The following ZSCAN5A variants were observed in gnomAD, a reference collection of about 807,000 sequenced individuals.
ZSCAN5A encodes zinc finger and SCAN domain containing 5A.
A neutral mutation model predicts 23.7 loss-of-function variants in ZSCAN5A; 12 were observed. The ratio of observed to expected loss-of-function variants is 0.51; its 90% CI spans 0.32 to 0.82. ZSCAN5A has a LOEUF of 0.82. ZSCAN5A is among the 40% of genes least tolerant of loss of function. The probability of loss-of-function intolerance (pLI) is 0.03; values close to 1 mark genes in which losing one functional copy is unlikely to be tolerated. For missense variants in ZSCAN5A, 597 were observed against 617.9 expected, an observed-to-expected ratio of 0.97 and a Z score of 0.36; for synonymous variants, 257 against 239.9, an observed-to-expected ratio of 1.07 and a Z score of -0.66.
intron 2 of ZSCAN5A, among the ~76,000 whole-genome samples, chr19:56,291,011 G>A (rs2039473063): frequency 6.6e-6 from 1 of 152,170 alleles, no homozygotes; most frequent in Non-Finnish European, 1.5e-5. Context: ...GGGTTTCAGG[G>A]TGGGCTGCAA....
chr19:56,237,823 A>G (rs1010421871), intron 2 of ZSCAN5A, among the ~76,000 whole-genome samples: 5 of 152,064 alleles, frequency 3.3e-5, no homozygotes, highest in Non-Finnish European at 7.4e-5. Flanking sequence ...AGGAAGAGGC[A>G]GTAGGATCAT....
At chr19:56,318,200 G>A (rs917431847), upstream of ZSCAN5A, among the ~76,000 whole-genome samples, 9 of 151,666 alleles carry the variant, frequency 5.9e-5, no homozygotes, top group African/African-American at 2.2e-4. Context: ...TTCTGCATGT[G>A]TTTTAAAGGA....
intron 2 of ZSCAN5A, among the ~76,000 whole-genome samples, chr19:56,292,932 A>G (rs191198634): frequency 6.6e-6 from 1 of 152,330 alleles, no homozygotes; most frequent in East Asian, 1.9e-4. Flanking sequence ...ACTCCATTGC[A>G]TGGATAGACT....
intron 2 of ZSCAN5A, among the ~76,000 whole-genome samples, chr19:56,240,179 G>GAAA (rs113940738): frequency 0.2 from 29,359 of 146,048 alleles, 3,336 homozygotes; most frequent in Non-Finnish European, 0.27. Context: ...ACCAAAAGAA[G>GAAA]AAAAAAAAAC....
intron 2 of ZSCAN5A, among the ~76,000 whole-genome samples, chr19:56,247,841 G>A (rs979736702): frequency 1.8e-4 from 27 of 151,992 alleles, no homozygotes; most frequent in Middle Eastern, 3.2e-3. Flanking sequence ...ACAGGCGCCT[G>A]CCACCATGCC....
chr19:56,238,798 T>C (rs1005709595), intron 2 of ZSCAN5A, among the ~76,000 whole-genome samples: 5 of 143,756 alleles, frequency 3.5e-5, no homozygotes, highest in Non-Finnish European at 7.8e-5. Context: ...ACACTATTAA[T>C]AGAGATCTAT....
At chr19:56,223,900 G>C in intron 3 of ZSCAN5A, 66 bp from the exon 4 acceptor site, 1 of 1,410,664 alleles carries the variant, frequency 7.1e-7, no homozygotes, top group Non-Finnish European at 9.7e-7. Context: ...ATATTCCCTG[G>C]GTCCTGCCAT....
At chr19:56,245,270 G>A (rs556077807) in intron 2 of ZSCAN5A, 92 of 704,046 alleles carry the variant, frequency 1.3e-4, no homozygotes, top group Non-Finnish European at 2.1e-4. Flanking sequence ...GGAATCAGAT[G>A]TCGAGATGGC....
rs2041368950 is a variant in ZSCAN5A, at chr19:56,320,934, G to A, written c.-357-4666C>T. ...AGGAAAAGCCCAGCTGTTCTACTTGGTCCTGCTTTCAAATTGTGGGTTTTG... is the reference window on the plus strand; with the variant it reads ...AGGAAAAGCCCAGCTGTTCTACTTGATCCTGCTTTCAAATTGTGGGTTTTG... On this transcript the variant is annotated intron_variant, in intron 2 of 6. Transcript: ENST00000587340. The A allele has an allele frequency of 6.6e-6, 5 of 752,612 alleles. No homozygotes were observed. The South Asian group carries it at 6.8e-5, about 10-fold the overall frequency. The allele number at this position is 752,612 out of a possible 1,614,324, so 46.6% of individuals were successfully genotyped here.
intron 2 of ZSCAN5A, among the ~76,000 whole-genome samples, chr19:56,281,962 G>A (rs146295385): frequency 1.2e-4 from 19 of 152,322 alleles, no homozygotes; most frequent in African/African-American, 4.3e-4. Context: ...GAGAGAAAGA[G>A]AACCTGTGTG....
At chr19:56,239,489 C>T (rs565187704) in intron 2 of ZSCAN5A, among the ~76,000 whole-genome samples, 3 of 152,256 alleles carry the variant, frequency 2.0e-5, no homozygotes, top group Admixed American at 1.3e-4. Flanking sequence ...CCCTGTAGGA[C>T]CCTCAGTGTA....
intron 2 of ZSCAN5A, among the ~76,000 whole-genome samples, chr19:56,249,504 T>G (rs887518348): frequency 6.6e-6 from 1 of 152,252 alleles, no homozygotes; most frequent in African/African-American, 2.4e-5. Flanking sequence ...GCTTCTGATC[T>G]TGGGTGATCT....
intron 2 of ZSCAN5A, among the ~76,000 whole-genome samples, chr19:56,330,477 T>A (rs2041479212): frequency 6.6e-6 from 1 of 152,208 alleles, no homozygotes; most frequent in Non-Finnish European, 1.5e-5. Flanking sequence ...CTTTTCTCAG[T>A]AGCCTTGCCA....
chr19:56,336,421 G>A (rs1255933701), intron 2 of ZSCAN5A, among the ~76,000 whole-genome samples: 1 of 152,122 alleles, frequency 6.6e-6, no homozygotes, highest in East Asian at 1.9e-4. Context: ...TCATGCCGTG[G>A]TTTTCAGCTC....
At chr19:56,342,940 A>G in intron 2 of ZSCAN5A, 1 of 1,028,242 alleles carries the variant, frequency 9.7e-7, no homozygotes, top group Non-Finnish European at 1.5e-6. Context: ...ATAGCAGTGC[A>G]CTTTGGTTAT....
At chr19:56,327,483 G>A (rs1041134805) in intron 2 of ZSCAN5A, among the ~76,000 whole-genome samples, 9 of 150,120 alleles carry the variant, frequency 6.0e-5, no homozygotes, top group African/African-American at 2.2e-4. Flanking sequence ...TATATATTAT[G>A]TTTTATAATG....
intron 2 of ZSCAN5A, among the ~76,000 whole-genome samples, chr19:56,355,331 G>A (rs1005119666): frequency 6.7e-6 from 1 of 148,730 alleles, no homozygotes; most frequent in Non-Finnish European, 1.5e-5. Context: ...GGTAGTAACA[G>A]TATTATCAAA....
intron 5 of ZSCAN5A, 53 bp downstream of exon 5, chr19:56,222,538 C>T: frequency 4.4e-6 from 7 of 1,594,900 alleles, no homozygotes; most frequent in Non-Finnish European, 6.0e-6. Context: ...CCCCCAGCCC[C>T]GCACCCCAGA....
intron 2 of ZSCAN5A, among the ~76,000 whole-genome samples, chr19:56,295,365 G>A (rs372157519): frequency 1.3e-5 from 2 of 151,960 alleles, no homozygotes; most frequent in East Asian, 1.9e-4. Context: ...AGGCTGATGC[G>A]GGCGGATCAC....
Sources: gnomAD v4.1 joint callset for allele counts (sites outside exome capture counted in the v4.1 genomes callset) on GRCh38, gnomAD v4.1.1 for gene constraint, MANE v1.5 for transcripts, NCBI Gene and HGNC (gene_info 2026-07-23, HGNC 2026-07-21) for gene names.